Variants in GLRA3 observed in about 807,000 individuals in gnomAD.
GLRA3 encodes the protein glycine receptor alpha 3.
A neutral mutation model predicts 60.4 loss-of-function variants in GLRA3; 44 were observed. The observed-to-expected ratio is 0.73, with a 90% CI of 0.57 to 0.94. GLRA3 has a LOEUF of 0.94. Among genes scored for constraint, GLRA3 ranks in the 40% least tolerant of loss-of-function variants. The pLI is 0.00. For missense variants in GLRA3, 508 were observed against 564.6 expected (o/e 0.90, Z 1.02); for synonymous variants, 223 against 192.9 (o/e 1.16, Z -1.29).
rs1402914803 is a variant in GLRA3, at chr4:174,788,727, A to G, written c.199+89T>C. 4 of 830,502 alleles carry G rather than the reference A, an allele frequency of 4.8e-6. No individual in the cohort carries two copies. In the African/African-American group the frequency reaches 7.0e-5, roughly 15 times the overall value. 51.4% of individuals were successfully genotyped at this position (830,502 alleles called of 1,614,324 possible). A position where few individuals can be genotyped will look rare whatever the true frequency, so the allele number is the denominator to read the frequency against. On this transcript the variant is annotated intron_variant, in intron 2 of 9. Transcript: ENST00000274093. The stretch of plus-strand genomic sequence containing the variant: ...ATTTGGAAGATTGTTGAAAATAAGC[A>G]TTAGAATTTCTGGTGGAATTAATTT...
At chr4:174,753,967 T>C (rs568073560) in intron 3 of GLRA3, among the ~76,000 whole-genome samples, 1 of 152,176 alleles carries the variant, frequency 6.6e-6, no homozygotes, top group African/African-American at 2.4e-5. Flanking sequence ...ATACAGATTT[T>C]TTTTTTCCGT....
intron 3 of GLRA3, among the ~76,000 whole-genome samples, chr4:174,743,852 T>C (rs751100287): frequency 2.6e-5 from 4 of 152,104 alleles, no homozygotes; most frequent in African/African-American, 4.8e-5. Flanking sequence ...ACACAAATAA[T>C]GTATCTTAGA....
At chr4:174,788,749 A>T in intron 2 of GLRA3, 67 bp downstream of exon 2, 1 of 1,059,524 alleles carries the variant, frequency 9.4e-7, no homozygotes, top group East Asian at 2.8e-5. Context: ...GGTGGAATTA[A>T]TTTAAAACTG....
At chr4:174,733,064 G>A (rs1736616870) in intron 3 of GLRA3, among the ~76,000 whole-genome samples, 1 of 152,122 alleles carries the variant, frequency 6.6e-6, no homozygotes, top group African/African-American at 2.4e-5. Context: ...AAAAGAAATT[G>A]TGTTATCATA....
Position 174,728,638 on chromosome 4 carries a change from C to T in GLRA3, c.328G>A (p.Glu110Lys), listed in dbSNP as rs755481914. 1.2e-6 allele frequency: 2 copies of T among 1,611,994 alleles called. No individual in the cohort carries two copies. Among genetic ancestry groups the T allele is most frequent in the South Asian group, 1.1e-5 (1 of 91,026 alleles). ...AGGTCTAAAGAGTCGTCAGGATATT[C>T]ACTGTACGCGAGGCGGGGATCATTC... The part of the protein sequence containing the change: ...KWNDPRLAYS[E>K]YPDDSLDLDP... The change falls in exon 4 of 10, where the codon GAA becomes AAA. Residue 110 changes from glutamate (E) to lysine (K), a missense_variant. Coordinates refer to ENST00000274093, the MANE Select transcript of GLRA3 (RefSeq NM_006529.4).
intron 1 of GLRA3, among the ~76,000 whole-genome samples, chr4:174,814,792 C>T (rs1027548687): frequency 6.6e-6 from 1 of 152,138 alleles, no homozygotes; most frequent in Non-Finnish European, 1.5e-5. Flanking sequence ...CCCACCATGT[C>T]CCTCCCACAA....
chr4:174,745,434 T>G (rs1365885952), intron 3 of GLRA3, among the ~76,000 whole-genome samples: 1 of 152,154 alleles, frequency 6.6e-6, no homozygotes, highest in African/African-American at 2.4e-5. Flanking sequence ...ACCGTCAGAC[T>G]AACAGTAAGC....
chr4:174,805,477 A>G (rs1395891497), intron 1 of GLRA3, among the ~76,000 whole-genome samples: 1 of 152,156 alleles, frequency 6.6e-6, no homozygotes, highest in African/African-American at 2.4e-5. Context: ...GGCTTCTACC[A>G]GTAGGCTTCA....
At chr4:174,704,904 A>G (rs1735460566) in intron 5 of GLRA3, among the ~76,000 whole-genome samples, 1 of 143,272 alleles carries the variant, frequency 7.0e-6, no homozygotes, top group Non-Finnish European at 1.5e-5. Context: ...CATATAAGCA[A>G]AATGTGGAAT....
At chr4:174,803,370 A>G (rs921104886) in intron 1 of GLRA3, among the ~76,000 whole-genome samples, 3 of 152,270 alleles carry the variant, frequency 2.0e-5, no homozygotes, top group East Asian at 3.9e-4. Flanking sequence ...TTTAAAGGAA[A>G]CTAATTAAGT....
At chr4:174,804,436 G>T (rs1579635687) in intron 1 of GLRA3, among the ~76,000 whole-genome samples, 1 of 152,116 alleles carries the variant, frequency 6.6e-6, no homozygotes, top group Non-Finnish European at 1.5e-5. Flanking sequence ...AATTCTAGTG[G>T]TCAGGAAGAG....
At chr4:174,794,155 A>T (rs1017410228) in intron 1 of GLRA3, among the ~76,000 whole-genome samples, 1 of 152,204 alleles carries the variant, frequency 6.6e-6, no homozygotes, top group African/African-American at 2.4e-5. Flanking sequence ...AAAATAAAAA[A>T]ATCACATTTT....
chr4:174,703,227 TACAA>T lies in GLRA3; in HGVS notation c.574+12257_574+12260del, dbSNP rs1329254281. Among the ~76,000 whole-genome samples, 3 of 152,144 alleles carry T rather than the reference TACAA, an allele frequency of 2.0e-5. No homozygotes were observed. In the East Asian group the frequency reaches 5.8e-4, roughly 29 times the overall value. On this transcript the variant is annotated intron_variant, in intron 5 of 9. Transcript: ENST00000274093. The stretch of plus-strand genomic sequence containing the variant: ...TGGATTGAGAGTGGAACATTTGTCA[TACAA>T]ACAATGAAGAATCCACTGGTGAGGA...
intron 1 of GLRA3, among the ~76,000 whole-genome samples, chr4:174,799,712 C>A (rs971566748): frequency 2.0e-5 from 3 of 152,120 alleles, no homozygotes; most frequent in Non-Finnish European, 4.4e-5. Context: ...CAATACTAAC[C>A]CCAGGTTGCT....
At chr4:174,792,396 A>G (rs1739387525) in intron 1 of GLRA3, among the ~76,000 whole-genome samples, 2 of 152,180 alleles carry the variant, frequency 1.3e-5, no homozygotes, top group East Asian at 3.9e-4. Context: ...ATAAGCACAC[A>G]AGGCATATTG....
chr4:174,777,545 G>A (rs1359834405), intron 2 of GLRA3, among the ~76,000 whole-genome samples: 2 of 152,148 alleles, frequency 1.3e-5, no homozygotes, highest in South Asian at 2.1e-4. Context: ...GGTAGATGAG[G>A]GGAAGTGGGA....
At chr4:174,767,089 T>A (rs1370553535) in intron 2 of GLRA3, 59 bp from the exon 3 acceptor site, 2 of 844,368 alleles carry the variant, frequency 2.4e-6, no homozygotes, top group Non-Finnish European at 4.1e-6. Flanking sequence ...CATTTTCAAA[T>A]AATTCCTTGC....
intron 1 of GLRA3, among the ~76,000 whole-genome samples, chr4:174,798,139 A>G (rs1002174049): frequency 1.3e-5 from 2 of 152,208 alleles, no homozygotes; most frequent in African/African-American, 2.4e-5. Context: ...TGGGGCCACA[A>G]TGTTCCATGT....
chr4:174,785,626 T>A (rs1435118672), intron 2 of GLRA3, among the ~76,000 whole-genome samples: 1 of 152,204 alleles, frequency 6.6e-6, no homozygotes, highest in Non-Finnish European at 1.5e-5. Flanking sequence ...AGATAGGTAT[T>A]TTCCAATGCT....
Sources: allele counts gnomAD v4.1 joint callset (sites outside exome capture counted in the v4.1 genomes callset), GRCh38; gene constraint gnomAD v4.1.1; transcripts MANE v1.5; gene names NCBI Gene and HGNC (gene_info 2026-07-23, HGNC 2026-07-21).